The following SYT16 variants were observed in gnomAD, a reference collection of about 807,000 sequenced individuals.
SYT16 encodes synaptotagmin-16.
Under a neutral mutation model 61.4 loss-of-function variants are expected in SYT16, and 42 were observed. The ratio of observed to expected loss-of-function variants is 0.68; its 90% CI spans 0.53 to 0.89. The LOEUF is 0.89. Ranked by LOEUF, SYT16 falls within the 40% of genes least tolerant of loss-of-function variation. The pLI is 0.00. For missense variants in SYT16, 804 were observed against 807.3 expected (o/e 1.00, Z 0.05); for synonymous variants, 314 against 302.3 (o/e 1.04, Z -0.40).
intron 6 of SYT16, among the ~76,000 whole-genome samples, chr14:62,083,862 G>T (rs1485106948): frequency 6.6e-6 from 1 of 152,076 alleles, no homozygotes; most frequent in African/African-American, 2.4e-5. Context: ...TACACAGGGG[G>T]GAATTTGAGT....
chr14:62,063,398 A>G (rs755827570), intron 3 of SYT16, among the ~76,000 whole-genome samples: 3 of 152,256 alleles, frequency 2.0e-5, no homozygotes, highest in Non-Finnish European at 4.4e-5. Context: ...ACCATATGCC[A>G]GACATATGCT....
intron 2 of SYT16, among the ~76,000 whole-genome samples, chr14:61,977,570 GA>G: frequency 6.6e-6 from 1 of 152,226 alleles, no homozygotes; most frequent in South Asian, 2.1e-4. Context: ...CAGCATGGGG[GA>G]AACCACCCCC....
At chr14:61,991,053 T>A (rs2052528478) in intron 2 of SYT16, among the ~76,000 whole-genome samples, 1 of 152,178 alleles carries the variant, frequency 6.6e-6, no homozygotes, top group Non-Finnish European at 1.5e-5. Flanking sequence ...TCTTTATCAA[T>A]TGCTACTAAT....
chr14:62,065,280 A>G (rs1015987208), intron 3 of SYT16, among the ~76,000 whole-genome samples: 2 of 152,180 alleles, frequency 1.3e-5, no homozygotes, highest in Non-Finnish European at 2.9e-5. Context: ...AACTTTGGTA[A>G]TGTCTTAAAT....
intron 7 of SYT16, among the ~76,000 whole-genome samples, chr14:62,088,969 T>A (rs1198572809): frequency 6.8e-6 from 1 of 146,374 alleles, no homozygotes; most frequent in African/African-American, 2.6e-5. Context: ...TTTTTTTTTT[T>A]AATTAGAGTG....
chr14:61,965,791 AT>A (rs2051291589), intron 1 of SYT16, among the ~76,000 whole-genome samples: 1 of 152,088 alleles, frequency 6.6e-6, no homozygotes, highest in Admixed American at 6.6e-5. Flanking sequence ...AATAGAATAA[AT>A]TATCGAAGAT....
intron 2 of SYT16, among the ~76,000 whole-genome samples, chr14:61,981,545 C>T (rs1009701605): frequency 2.0e-5 from 3 of 152,174 alleles, no homozygotes; most frequent in African/African-American, 7.2e-5. Context: ...AAAGACAATT[C>T]ATTTCCAAAT....
chr14:62,090,550 T>C (rs1240614286), intron 7 of SYT16, among the ~76,000 whole-genome samples: 4 of 152,198 alleles, frequency 2.6e-5, no homozygotes, highest in African/African-American at 9.6e-5. Flanking sequence ...TTGTTAAATA[T>C]AGTGTATTAA....
chr14:62,076,302 T>C (rs1018022726), intron 5 of SYT16, among the ~76,000 whole-genome samples: 1 of 152,166 alleles, frequency 6.6e-6, no homozygotes, highest in African/African-American at 2.4e-5. Context: ...GTCATATACA[T>C]ATATAAACCT....
chr14:62,049,620 G>T (rs1042031910), intron 3 of SYT16, among the ~76,000 whole-genome samples: 4 of 152,170 alleles, frequency 2.6e-5, no homozygotes, highest in African/African-American at 9.7e-5. Context: ...GGTACCACTT[G>T]TTCCTTTCCA....
chr14:61,826,928 CA>C (rs1424132474), intron 1 of SYT16, among the ~76,000 whole-genome samples: 1 of 151,896 alleles, frequency 6.6e-6, no homozygotes, highest in African/African-American at 2.4e-5. Flanking sequence ...GTGTCCTTAC[CA>C]GGGTGGAGGA....
chr14:61,976,027 A>G (rs937960126), intron 2 of SYT16, among the ~76,000 whole-genome samples: 3 of 152,182 alleles, frequency 2.0e-5, no homozygotes, highest in African/African-American at 7.2e-5. Context: ...GGGTAAATAC[A>G]CCCATTCCAA....
chr14:61,936,255 A>G (rs989428036), intron 1 of SYT16, among the ~76,000 whole-genome samples: 2 of 152,068 alleles, frequency 1.3e-5, no homozygotes, highest in South Asian at 2.1e-4. Flanking sequence ...TGGTTTCTAG[A>G]GGAAGTTTTA....
chr14:62,023,806 T>C (rs1246005981), intron 3 of SYT16, among the ~76,000 whole-genome samples: 1 of 152,168 alleles, frequency 6.6e-6, no homozygotes, highest in Admixed American at 6.5e-5. Context: ...CCTTAGTTTT[T>C]TAATCGTGTA....
chr14:62,069,296 C>T (rs2056197564), intron 3 of SYT16, among the ~76,000 whole-genome samples: 1 of 152,266 alleles, frequency 6.6e-6, no homozygotes, highest in Admixed American at 6.5e-5. Flanking sequence ...CACATTTAAG[C>T]AGCGTAACAA....
At chr14:61,829,660 C>CT (rs546044080) in intron 1 of SYT16, among the ~76,000 whole-genome samples, 20,732 of 145,542 alleles carry the variant, frequency 0.14, 1,548 homozygotes, top group African/African-American at 0.19. Flanking sequence ...ATTTTCTTTT[C>CT]TTTTTTTTTT....
intron 1 of SYT16, among the ~76,000 whole-genome samples, chr14:61,817,652 G>A (rs2045485047): frequency 1.3e-5 from 2 of 152,072 alleles, no homozygotes. Context: ...TAAATGCAAT[G>A]GATGATTTCA....
chr14:62,110,847 A>G lies in SYT16; in HGVS notation c.*10140A>G, dbSNP rs2057596290. 6.6e-6 allele frequency: 1 copy of G among 152,018 alleles called. No individual in the cohort carries two copies. Among genetic ancestry groups the G allele is most frequent in the Non-Finnish European group, 1.5e-5 (1 of 67,928 alleles). The allele number at this position is 152,018 out of a possible 1,614,324, so 9.4% of individuals were successfully genotyped here. On this transcript the variant is annotated 3_prime_UTR_variant, in exon 8 of 8. Transcript: ENST00000683842. The stretch of plus-strand genomic sequence containing the variant: ...AAGTGGATTTGAATACAGTCCTTAG[A>G]AAAATTCTTCCCCTGCCAAAAAAGG...
chr14:62,086,593 A>G (rs1290832628), intron 7 of SYT16, among the ~76,000 whole-genome samples: 1 of 152,240 alleles, frequency 6.6e-6, no homozygotes, highest in Non-Finnish European at 1.5e-5. Flanking sequence ...TATACTTTAT[A>G]AGTTTGCATT....
Sources: gnomAD v4.1 joint callset for allele counts (sites outside exome capture counted in the v4.1 genomes callset) on GRCh38, gnomAD v4.1.1 for gene constraint, MANE v1.5 for transcripts, NCBI Gene and HGNC (gene_info 2026-07-23, HGNC 2026-07-21) for gene names.